The following CEP290 variants were observed in gnomAD, a reference collection of about 807,000 sequenced individuals.
CEP290 encodes centrosomal protein 290.
Under a neutral mutation model 344.9 loss-of-function variants are expected in CEP290, and 317 were observed. That is an observed-to-expected ratio of 0.92 (90% CI 0.84 to 1.01). CEP290 has a LOEUF of 1.01. Ranked by LOEUF, CEP290 falls within the 50% of genes least tolerant of loss-of-function variation. CEP290 has a pLI of 0.00. For missense variants in CEP290, 2,754 were observed against 2,761.4 expected (o/e 1.00, Z 0.06); for synonymous variants, 932 against 895.8 (o/e 1.04, Z -0.72).
intron 49 of CEP290, 138 bp downstream of exon 49, chr12:88,058,710 A>T (rs1182401490): frequency 1.6e-5 from 13 of 833,492 alleles, no homozygotes; most frequent in Middle Eastern, 2.3e-4. Flanking sequence ...AACAGAAAAA[A>T]AGTATTATGT....
At chr12:88,078,397 C>T (rs1357465694) in intron 39 of CEP290, among the ~76,000 whole-genome samples, 4 of 152,024 alleles carry the variant, frequency 2.6e-5, no homozygotes, top group Admixed American at 6.6e-5. Flanking sequence ...GAGTTCCTAG[C>T]TGTCCTATGG....
In CEP290 at chr12:88,096,288, A is replaced by T. The variant is rs192495437; in HGVS notation, c.3103+600T>A. ...GGTCTCGAACTCCTGACCCCAGGGG[A>T]TCTGCTCTCCTCAGCCTCCCAAGTG... On this transcript the variant is annotated intron_variant, in intron 27 of 53. Transcript: ENST00000552810. Among the ~76,000 whole-genome samples, 1,317 of 152,184 alleles carry T rather than the reference A, an allele frequency of 8.7e-3. 18 individuals carry two copies. The highest frequency in any genetic ancestry group is 0.014 in the Non-Finnish European group (956 of 68,006).
chr12:88,087,904 TGAAGAC>T lies in CEP290; in HGVS notation c.4064_4069del (p.Arg1355_Leu1356del). On this transcript the variant is annotated inframe_deletion, in exon 32 of 54. Transcript: ENST00000552810. ...TAATTCCCGATTTAGTTTAAGTTCT[TGAAGAC>T]GAAGTTCTTCTATTTTCATATGCCA... 3 of 1,218,410 alleles carry T rather than the reference TGAAGAC, an allele frequency of 2.5e-6. No individual in the cohort carries two copies. The highest frequency in any genetic ancestry group is 3.2e-6 in the Non-Finnish European group (3 of 952,140). The allele number at this position is 1,218,410 out of a possible 1,614,324, so 75.5% of individuals were successfully genotyped here.
At chr12:88,078,942 T>C in intron 39 of CEP290, 150 bp downstream of exon 39, 1 of 536,554 alleles carries the variant, frequency 1.9e-6, no homozygotes, top group East Asian at 3.4e-5. Flanking sequence ...AGACTTATTG[T>C]TGAAAAATGC....
chr12:88,112,275 T>C (rs1435423442), intron 20 of CEP290, among the ~76,000 whole-genome samples: 1 of 152,120 alleles, frequency 6.6e-6, no homozygotes, highest in Non-Finnish European at 1.5e-5. Flanking sequence ...ACAGTCAAAA[T>C]GAGGTATTTT....
chr12:88,084,773 C>G lies in CEP290; in HGVS notation c.4517G>C (p.Arg1506Thr), dbSNP rs1266234548. ...TTCTGCAGTGGCAGGCAATCGAAGCCTCAGTTCATTGATTACTTTGTCTCT... is the reference window on the plus strand; with the variant it reads ...TTCTGCAGTGGCAGGCAATCGAAGCGTCAGTTCATTGATTACTTTGTCTCT... ...LSRDKVINELRLRLPATAERE... is the reference protein window; with the variant it reads ...LSRDKVINELTLRLPATAERE... The change falls in exon 35 of 54, where the codon AGG becomes ACG. Residue 1506 changes from arginine to threonine, a missense_variant. Arg to Thr is a moderately conservative substitution (Grantham distance 71). Coordinates refer to ENST00000552810, the MANE Select transcript of CEP290 (RefSeq NM_025114.4). The G allele has an allele frequency of 6.2e-7, 1 of 1,613,356 alleles. No individual in the cohort carries two copies. The highest frequency in any genetic ancestry group is 1.7e-5 in the Admixed American group (1 of 59,962).
rs1022458415 is a variant in CEP290, at chr12:88,049,182, C to A, written c.*2G>T. ...AAATGAAACAAAGTTTATAGGTGAC[C>A]TTTAGTAAATGGGGAAATTAACAGG... On this transcript the variant is annotated 3_prime_UTR_variant, in exon 54 of 54. Transcript: ENST00000552810. The A allele has an allele frequency of 6.4e-7, 1 of 1,559,932 alleles. No homozygotes were observed. The highest frequency in any genetic ancestry group is 8.7e-7 in the Non-Finnish European group (1 of 1,147,208).
chr12:88,117,526 T>A (rs887348645), intron 17 of CEP290, among the ~76,000 whole-genome samples: 1 of 152,132 alleles, frequency 6.6e-6, no homozygotes, highest in African/African-American at 2.4e-5. Context: ...ATTATAGAAA[T>A]CATAATGCTA....
intron 37 of CEP290, among the ~76,000 whole-genome samples, chr12:88,081,253 T>C (rs2036178470): frequency 1.3e-5 from 2 of 152,196 alleles, no homozygotes; most frequent in African/African-American, 2.4e-5. Flanking sequence ...ACTGATCCTC[T>C]ATATTTGAGA....
chr12:88,067,790 T>G (rs1471408706), intron 44 of CEP290, among the ~76,000 whole-genome samples: 1 of 152,232 alleles, frequency 6.6e-6, no homozygotes, highest in African/African-American at 2.4e-5. Context: ...CTCTGATTTA[T>G]TTAACTCAAT....
At chr12:88,139,448 G>A (rs930985085) in intron 4 of CEP290, 47 bp downstream of exon 4, 3 of 1,318,008 alleles carry the variant, frequency 2.3e-6, no homozygotes, top group Non-Finnish European at 3.2e-6. Flanking sequence ...ATGAACAAAT[G>A]GAATTCATTA....
At chr12:88,109,905 T>C (rs1474791067) in intron 22 of CEP290, among the ~76,000 whole-genome samples, 1 of 152,184 alleles carries the variant, frequency 6.6e-6, no homozygotes, top group Non-Finnish European at 1.5e-5. Context: ...ATAGTGTTCC[T>C]ATACCTCAGG....
At chr12:88,107,969 G>A (rs997171426) in intron 23 of CEP290, among the ~76,000 whole-genome samples, 2 of 150,630 alleles carry the variant, frequency 1.3e-5, no homozygotes, top group Non-Finnish European at 3.0e-5. Context: ...CCATTCCACA[G>A]TATATACATA....
intron 31 of CEP290, among the ~76,000 whole-genome samples, 157 bp downstream of exon 31, chr12:88,088,875 G>A (rs2036793282): frequency 2.0e-5 from 3 of 152,024 alleles, no homozygotes; most frequent in Admixed American, 6.5e-5. Context: ...GTATGGTGGT[G>A]TGCACCTGTA....
intron 39 of CEP290, among the ~76,000 whole-genome samples, chr12:88,078,503 G>C (rs1382330119): frequency 6.6e-6 from 1 of 152,022 alleles, no homozygotes; most frequent in Non-Finnish European, 1.5e-5. Context: ...GGTTGCCAGG[G>C]GTTTGGTGAG....
At position 88,054,368 on chromosome 12, in the gene CEP290, C is replaced by T; in HGVS notation, c.7006G>A (p.Gly2336Ser). 3 of 1,610,818 alleles carry T rather than the reference C, an allele frequency of 1.9e-6. No homozygotes were observed. In the South Asian group the frequency reaches 3.3e-5, roughly 18 times the overall value. Residue 2336 changes from glycine (G) to serine (S), a missense_variant, in exon 51 of 54, where the codon GGC (glycine) becomes AGC (serine). Physicochemically the swap from Gly to Ser is moderately conservative, Grantham distance 56. Transcript: ENST00000552810. ...HVPEGAETEQ[G>S]LKRELQVLRL... Reference sequence around the variant, plus strand: ...AGAACTTGAAGCTCCCGTTTAAGGCCTTGCTCTGTCTCAGCACCTTCAGGA... The same window carrying T: ...AGAACTTGAAGCTCCCGTTTAAGGCTTTGCTCTGTCTCAGCACCTTCAGGA...
chr12:88,125,114 C>A (rs2039650804), intron 13 of CEP290, 132 bp downstream of exon 13: 1 of 312,512 alleles, frequency 3.2e-6, no homozygotes, highest in Non-Finnish European at 5.8e-6. Context: ...TAATAAATAT[C>A]TTGTACAATT....
At chr12:88,050,741 G>A (rs2033422791) in intron 52 of CEP290, among the ~76,000 whole-genome samples, 1 of 152,110 alleles carries the variant, frequency 6.6e-6, no homozygotes, top group Non-Finnish European at 1.5e-5. Context: ...AACTTGTTAG[G>A]TACTAAAAGT....
At position 88,136,762 on chromosome 12, in the gene CEP290, G is replaced by A. The variant is rs1290241933; in HGVS notation, c.322C>T (p.Arg108Ter). ...TCATTACGTAAAAACCGAGTATCTC[G>A]TCCACCTGCAGACTGCTGAGCCATC... ...LEMAQQSAGG[R>*]DTRFLRNEIC... The change falls in exon 6 of 54, where the codon CGA (arginine) becomes TGA (stop). Residue 108 changes from arginine to a stop codon, truncating the protein, a stop_gained. Coordinates refer to ENST00000552810, the MANE Select transcript of CEP290 (RefSeq NM_025114.4). LOFTEE classifies it high-confidence loss of function. The A allele has an allele frequency of 1.3e-5, 21 of 1,613,240 alleles. No individual in the cohort carries two copies. The highest frequency in any genetic ancestry group is 1.6e-5 in the Non-Finnish European group (19 of 1,179,678).
Sources: allele counts gnomAD v4.1 joint callset (sites outside exome capture counted in the v4.1 genomes callset), GRCh38; gene constraint gnomAD v4.1.1; transcripts MANE v1.5; gene names NCBI Gene and HGNC (gene_info 2026-07-23, HGNC 2026-07-21).